Variants in ZNF280D observed in about 807,000 individuals in gnomAD.
The protein encoded by ZNF280D is zinc finger protein 280D.
In ZNF280D, 39 loss-of-function variants were observed where a neutral mutation model predicts 94.7. The ratio of observed to expected loss-of-function variants is 0.41; its 90% CI spans 0.32 to 0.54. The LOEUF is 0.54. ZNF280D is among the 20% of genes least tolerant of loss of function. The pLI is 0.22. For missense variants in ZNF280D, 1,090 were observed against 1,149.3 expected (o/e 0.95, Z 0.75); for synonymous variants, 398 against 377.6 (o/e 1.05, Z -0.63).
At chr15:56,722,004 T>A (rs1221206174) in intron 1 of ZNF280D, among the ~76,000 whole-genome samples, 3 of 152,222 alleles carry the variant, frequency 2.0e-5, no homozygotes, top group African/African-American at 7.2e-5. Context: ...ATCTTCCTTA[T>A]ACTTGAACAC....
At chr15:56,716,707 T>C (rs1453424842) in intron 1 of ZNF280D, among the ~76,000 whole-genome samples, 2 of 152,074 alleles carry the variant, frequency 1.3e-5, no homozygotes, top group African/African-American at 4.8e-5. Flanking sequence ...ATTTGAGTAT[T>C]AAATCAGAGA....
At chr15:56,717,902 A>G (rs569024526) in intron 1 of ZNF280D, among the ~76,000 whole-genome samples, 13 of 152,292 alleles carry the variant, frequency 8.5e-5, no homozygotes, top group African/African-American at 2.9e-4. Flanking sequence ...TAAGAACAAA[A>G]CAATTAGCAG....
At chr15:56,655,868 G>C (rs1337485159) in intron 17 of ZNF280D, among the ~76,000 whole-genome samples, 1 of 152,232 alleles carries the variant, frequency 6.6e-6, no homozygotes, top group East Asian at 1.9e-4. Context: ...CTATTTAAAA[G>C]AAAATCAATT....
At chr15:56,637,059 A>G (rs1261069266) in intron 20 of ZNF280D, among the ~76,000 whole-genome samples, 1 of 152,180 alleles carries the variant, frequency 6.6e-6, no homozygotes, top group Non-Finnish European at 1.5e-5. Context: ...CCTGGCTTCC[A>G]GAATGCCAAC....
chr15:56,663,896 T>G (rs1190658748), intron 16 of ZNF280D, among the ~76,000 whole-genome samples: 1 of 151,576 alleles, frequency 6.6e-6, no homozygotes, highest in Admixed American at 6.6e-5. Context: ...AGACCCCATC[T>G]CACAAAAAAA....
chr15:56,733,355 C>G lies in ZNF280D; in HGVS notation c.-86+103G>C, dbSNP rs372380256. The G allele has an allele frequency of 2.1e-4, 144 of 697,120 alleles. No individual in the cohort carries two copies. In the South Asian group the frequency reaches 6.9e-3, roughly 33 times the overall value. 43.2% of individuals were successfully genotyped at this position (697,120 alleles called of 1,614,324 possible). A position where few individuals can be genotyped will look rare whatever the true frequency, so the allele number is the denominator to read the frequency against. On this transcript the variant is annotated intron_variant, in intron 1 of 21. Transcript: ENST00000267807. ...CGCTCCCGACGACCCGCGCCGGCCT[C>G]AAGACCCCCAGTCCAGCGCCCCCGG...
intron 1 of ZNF280D, among the ~76,000 whole-genome samples, chr15:56,720,980 G>GC (rs1555428061): frequency 1.4e-5 from 1 of 69,084 alleles, no homozygotes; most frequent in Admixed American, 1.5e-4. Context: ...TGGGGGGGGG[G>GC]GGGACAGAGT....
intron 14 of ZNF280D, 52 bp from the exon 15 acceptor site, chr15:56,667,038 A>G: frequency 1.6e-5 from 21 of 1,281,868 alleles, no homozygotes; most frequent in Non-Finnish European, 2.1e-5. Flanking sequence ...GTACATTAAT[A>G]TTAAAATATC....
At chr15:56,686,310 T>A (rs1305284123) in intron 9 of ZNF280D, among the ~76,000 whole-genome samples, 3 of 152,162 alleles carry the variant, frequency 2.0e-5, no homozygotes, top group African/African-American at 7.2e-5. Flanking sequence ...GCTAAGTTCT[T>A]GTATTTTTAG....
At chr15:56,704,490 A>G (rs1334611436) in intron 3 of ZNF280D, among the ~76,000 whole-genome samples, 1 of 152,196 alleles carries the variant, frequency 6.6e-6, no homozygotes, top group Non-Finnish European at 1.5e-5. Context: ...CAATGACAGT[A>G]GTTATTTACC....
chr15:56,719,886 TAAAAAAA>T (rs35398429), intron 1 of ZNF280D, among the ~76,000 whole-genome samples: 8 of 101,712 alleles, frequency 7.9e-5, no homozygotes, highest in Non-Finnish European at 1.4e-4. Context: ...ACTTTATTGC[TAAAAAAA>T]AAAAAAAAAA....
chr15:56,701,048 G>C lies in ZNF280D; in HGVS notation c.266C>G (p.Thr89Arg), dbSNP rs2057034319. ...TGTTGGATTCGTGTAGTGTTGACTT[G>C]TAGGCTTGAATGCAGCAGTAATACC... ...SRGITAAFKP[T>R]SQHYTNPTSN... The change falls in exon 6 of 22, where the codon ACA becomes AGA. Residue 89 changes from threonine (T) to arginine (R), a missense_variant. Coordinates refer to ENST00000267807, the MANE Select transcript of ZNF280D (RefSeq NM_017661.4). 6.2e-7 allele frequency: 1 copy of C among 1,613,812 alleles called. No homozygotes were observed. The highest frequency in any genetic ancestry group is 1.7e-5 in the Admixed American group (1 of 60,002).
At chr15:56,703,982 T>C (rs2057247431) in intron 4 of ZNF280D, 139 bp downstream of exon 4, 2 of 871,886 alleles carry the variant, frequency 2.3e-6, no homozygotes, top group South Asian at 3.8e-5. Context: ...TTTAATCTCT[T>C]ACCTCCTTCC....
chr15:56,651,113 G>T (rs2053178870), intron 19 of ZNF280D, among the ~76,000 whole-genome samples: 3 of 152,144 alleles, frequency 2.0e-5, no homozygotes, highest in Non-Finnish European at 4.4e-5. Context: ...GACAATGCCA[G>T]GCACAAAGTA....
chr15:56,682,438 C>G lies in ZNF280D; in HGVS notation c.820G>C (p.Ala274Pro), dbSNP rs1481650383. Residue 274 changes from alanine to proline, a missense_variant, in exon 10 of 22, where the codon GCT (alanine) becomes CCT (proline). This residue lies in a region of ZNF280D where 386 missense variants were observed against 372.0 expected (regional missense o/e 1.04). Transcript: ENST00000267807. ...ACTGTACTTGAAAATTCTGTTTTAG[C>G]CAGTCCCAAAAAGTTATTTATCATG... ...PDMINNFLGLAKTEFSSTVNK... is the reference protein window; with the variant it reads ...PDMINNFLGLPKTEFSSTVNK... The G allele has an allele frequency of 1.3e-6, 2 of 1,568,844 alleles. No individual in the cohort carries two copies.
At chr15:56,725,252 T>TA (rs557459172) in intron 1 of ZNF280D, among the ~76,000 whole-genome samples, 70 of 147,260 alleles carry the variant, frequency 4.8e-4, no homozygotes, top group East Asian at 9.8e-4. Flanking sequence ...TTAATAATGT[T>TA]AAAAAAAAAA....
At chr15:56,716,290 T>A (rs937471276) in intron 1 of ZNF280D, among the ~76,000 whole-genome samples, 1 of 152,032 alleles carries the variant, frequency 6.6e-6, no homozygotes, top group Non-Finnish European at 1.5e-5. Context: ...GCTATGAAGG[T>A]TATGAACCTG....
intron 1 of ZNF280D, among the ~76,000 whole-genome samples, chr15:56,717,738 C>A (rs540203662): frequency 1.3e-5 from 2 of 152,188 alleles, no homozygotes; most frequent in South Asian, 4.1e-4. Context: ...GGGTAAGTAT[C>A]TCGCCCAAAG....
intron 16 of ZNF280D, among the ~76,000 whole-genome samples, chr15:56,664,614 C>T (rs139396121): frequency 6.6e-6 from 1 of 152,124 alleles, no homozygotes; most frequent in African/African-American, 2.4e-5. Context: ...GCCAAGTTAA[C>T]AACTGAGAAA....
Sources: gnomAD v4.1 joint callset for allele counts (sites outside exome capture counted in the v4.1 genomes callset) on GRCh38, gnomAD v4.1.1 for gene constraint, gnomAD v4.1.1 regional missense constraint, MANE v1.5 for transcripts, NCBI Gene and HGNC (gene_info 2026-07-23, HGNC 2026-07-21) for gene names.